The following ENTREP2 variants were observed in gnomAD, a reference collection of about 807,000 sequenced individuals.
ENTREP2 encodes endosomal transmembrane epsin interactor 2, also known as protein ENTREP2.
chr15:29,353,727 T>C, the ENTREP2 span, among the ~76,000 whole-genome samples: 1 of 152,162 alleles, frequency 6.6e-6, no homozygotes, highest in African/African-American at 2.4e-5. Flanking sequence ...GGTTCTATCA[T>C]TTTCCCCCAT....
chr15:29,483,283 T>C, the ENTREP2 span, among the ~76,000 whole-genome samples: 3 of 152,214 alleles, frequency 2.0e-5, no homozygotes, highest in Non-Finnish European at 2.9e-5. Context: ...CCTAGGTTTG[T>C]CTTTTCATTC....
chr15:29,521,343 T>C, the ENTREP2 span, among the ~76,000 whole-genome samples: 1 of 152,158 alleles, frequency 6.6e-6, no homozygotes, highest in Admixed American at 6.5e-5. Context: ...CCGCAACAAC[T>C]TTGAAGAAGA....
the ENTREP2 span, among the ~76,000 whole-genome samples, chr15:29,548,219 C>T: frequency 3.1e-4 from 47 of 152,028 alleles, no homozygotes; most frequent in East Asian, 9.1e-3. Context: ...CTTTGGGAGG[C>T]CAAGGTGGGC....
chr15:29,438,044 A>G, the ENTREP2 span, among the ~76,000 whole-genome samples: 1 of 152,236 alleles, frequency 6.6e-6, no homozygotes, highest in Non-Finnish European at 1.5e-5. Context: ...CTGGACAGTC[A>G]AACTCAGCAG....
chr15:29,630,957 C>T, the ENTREP2 span, among the ~76,000 whole-genome samples: 3 of 152,240 alleles, frequency 2.0e-5, no homozygotes, highest in South Asian at 6.2e-4. Flanking sequence ...GGTGGCATTA[C>T]AGGCATAAGC....
the ENTREP2 span, among the ~76,000 whole-genome samples, chr15:29,133,964 CCT>C: frequency 0.052 from 7,847 of 151,966 alleles, 687 homozygotes; most frequent in African/African-American, 0.18. Context: ...CAGGCTGTTC[CCT>C]CTCTCAGGAG....
At chr15:29,617,096 A>T in the ENTREP2 span, among the ~76,000 whole-genome samples, 2 of 151,924 alleles carry the variant, frequency 1.3e-5, no homozygotes, top group Non-Finnish European at 2.9e-5. Context: ...ATAAGATAAG[A>T]TTTATTATAG....
chr15:29,606,363 T>C, the ENTREP2 span, among the ~76,000 whole-genome samples: 1 of 151,306 alleles, frequency 6.6e-6, no homozygotes. Flanking sequence ...GCCTCCAGAG[T>C]AGGTGGGACT....
chr15:29,563,987 C>T, the ENTREP2 span, among the ~76,000 whole-genome samples: 96 of 152,112 alleles, frequency 6.3e-4, no homozygotes, highest in Middle Eastern at 3.4e-3. Flanking sequence ...CCATTATGTT[C>T]ATTTTCATCA....
At chr15:29,200,805 G>A in the ENTREP2 span, among the ~76,000 whole-genome samples, 1 of 152,172 alleles carries the variant, frequency 6.6e-6, no homozygotes, top group South Asian at 2.1e-4. Context: ...CAGGTGATCT[G>A]CCTGCCTTGG....
At chr15:29,603,596 C>G in the ENTREP2 span, among the ~76,000 whole-genome samples, 1 of 151,850 alleles carries the variant, frequency 6.6e-6, no homozygotes, top group Non-Finnish European at 1.5e-5. Context: ...AAAGCCCCTC[C>G]AAAAAATGGT....
At chr15:29,470,701 G>C in the ENTREP2 span, among the ~76,000 whole-genome samples, 1 of 152,184 alleles carries the variant, frequency 6.6e-6, no homozygotes, top group South Asian at 2.1e-4. Context: ...TGGCCAGCTC[G>C]GGGCTCATGA....
the ENTREP2 span, among the ~76,000 whole-genome samples, chr15:29,212,930 C>T: frequency 6.6e-6 from 1 of 152,180 alleles, no homozygotes; most frequent in Non-Finnish European, 1.5e-5. Flanking sequence ...TTAGGTCTAA[C>T]ATTTAAGTCT....
chr15:29,272,472 A>G, the ENTREP2 span, among the ~76,000 whole-genome samples: 1 of 141,714 alleles, frequency 7.1e-6, no homozygotes, highest in African/African-American at 3.0e-5. Context: ...TTATTACACT[A>G]TATTTGTTCT....
chr15:29,227,428 A>G, the ENTREP2 span, among the ~76,000 whole-genome samples: 2 of 152,136 alleles, frequency 1.3e-5, no homozygotes, highest in African/African-American at 4.8e-5. Flanking sequence ...GGCGGTGAGC[A>G]AGGCAGGAAA....
the ENTREP2 span, among the ~76,000 whole-genome samples, chr15:29,135,692 C>T: frequency 8.9e-4 from 136 of 152,300 alleles, no homozygotes; most frequent in African/African-American, 3.0e-3. The surrounding 1 kb of genome is among the most constrained non-coding windows in gnomAD (Gnocchi z 7.4). Flanking sequence ...TGAGGCTCCA[C>T]GAACATACTG....
At chr15:29,380,533 C>T in the ENTREP2 span, among the ~76,000 whole-genome samples, 2 of 152,164 alleles carry the variant, frequency 1.3e-5, no homozygotes, top group Non-Finnish European at 2.9e-5. Context: ...GACACAGACA[C>T]ATACATATAT....
At chr15:29,612,454 T>G in the ENTREP2 span, 2 of 151,384 alleles carry the variant, frequency 1.3e-5, no homozygotes, top group South Asian at 4.2e-4. Flanking sequence ...ATTCAAATCT[T>G]ATTCCTCCAG....
the ENTREP2 span, among the ~76,000 whole-genome samples, chr15:29,330,051 C>T: frequency 6.6e-6 from 1 of 152,148 alleles, no homozygotes; most frequent in Admixed American, 6.5e-5. Context: ...GAGAAAACTG[C>T]CAATCACTCC....
Sources: gnomAD v4.1 joint callset for allele counts (sites outside exome capture counted in the v4.1 genomes callset) on GRCh38, gnomAD v4.1.1 for gene constraint, Gnocchi (gnomAD v3.1) non-coding constraint, MANE v1.5 for transcripts, NCBI Gene and HGNC (gene_info 2026-07-23, HGNC 2026-07-21) for gene names.